The following CEP85 variants were observed in gnomAD, a reference collection of about 807,000 sequenced individuals.
CEP85 encodes the protein centrosomal protein 85.
CEP85 carries 58 observed loss-of-function variants against 93.7 expected under a neutral mutation model. The observed-to-expected ratio is 0.62, with a 90% CI of 0.50 to 0.77. The LOEUF (loss-of-function observed/expected upper bound fraction) is 0.77, where lower values mean the gene tolerates loss of function less well. Among genes scored for constraint, CEP85 ranks in the 30% least tolerant of loss-of-function variants. The pLI is 0.00. For missense variants in CEP85, 868 were observed against 922.0 expected (o/e 0.94, Z 0.76); for synonymous variants, 314 against 338.6 (o/e 0.93, Z 0.80).
chr1:26,263,263 C>A, intron 7 of CEP85: 1 of 337,978 alleles, frequency 3.0e-6, no homozygotes, highest in Non-Finnish European at 5.8e-6. Flanking sequence ...TAAGGAAGTG[C>A]TCATTTGCCC....
Position 26,255,778 on chromosome 1 carries a change from C to A in CEP85, c.816C>A (p.Asp272Glu). 2 of 1,614,214 alleles carry A rather than the reference C, an allele frequency of 1.2e-6. No individual in the cohort carries two copies. Among genetic ancestry groups the A allele is most frequent in the Non-Finnish European group, 8.5e-7 (1 of 1,180,030 alleles). ...CTCAGGTGTGGCAGCCGAGTCCTGA[C>A]ACTTGGCATCCCCGAGAGCAATCTT... ...LPSQVWQPSP[D>E]TWHPREQSCE... The change falls in exon 4 of 14, where the codon GAC (aspartate) becomes GAA (glutamate). Residue 272 changes from aspartate to glutamate, a missense_variant. Asp to Glu is a conservative substitution (Grantham distance 45). Coordinates refer to ENST00000451429, the MANE Select transcript of CEP85 (RefSeq NM_001319944.2).
At chr1:26,235,223 G>A (rs1465808407) in intron 1 of CEP85, among the ~76,000 whole-genome samples, 1 of 152,200 alleles carries the variant, frequency 6.6e-6, no homozygotes, top group Non-Finnish European at 1.5e-5. Context: ...AGTAAATTTC[G>A]GTTGATGAAT....
At chr1:26,240,894 T>C (rs2124558284) in intron 2 of CEP85, among the ~76,000 whole-genome samples, 1 of 148,868 alleles carries the variant, frequency 6.7e-6, no homozygotes, top group East Asian at 2.0e-4. Flanking sequence ...TGAGACTGTG[T>C]CTCAAAAAAA....
intron 3 of CEP85, among the ~76,000 whole-genome samples, chr1:26,245,645 T>TTAAC (rs1386720347): frequency 6.6e-5 from 10 of 152,196 alleles, no homozygotes; most frequent in Non-Finnish European, 1.3e-4. Flanking sequence ...TTGATAATAA[T>TTAAC]TAACTACTGT....
chr1:26,267,008 T>C (rs1001561942), intron 7 of CEP85, among the ~76,000 whole-genome samples: 2 of 152,224 alleles, frequency 1.3e-5, no homozygotes, highest in South Asian at 2.1e-4. Flanking sequence ...CAGAAAGTTA[T>C]GTATACTTCT....
At chr1:26,241,571 A>G (rs990325938) in intron 2 of CEP85, among the ~76,000 whole-genome samples, 2 of 151,920 alleles carry the variant, frequency 1.3e-5, no homozygotes, top group Non-Finnish European at 2.9e-5. Context: ...AACATCTGCT[A>G]TGTGCTGCAC....
chr1:26,249,061 C>G (rs2089560529), intron 3 of CEP85, among the ~76,000 whole-genome samples: 1 of 151,774 alleles, frequency 6.6e-6, no homozygotes, highest in African/African-American at 2.4e-5. Context: ...TTGTTACATA[C>G]CATGATCCTA....
At chr1:26,272,765 A>G (rs2089997101) in intron 11 of CEP85, among the ~76,000 whole-genome samples, 1 of 151,584 alleles carries the variant, frequency 6.6e-6, no homozygotes, top group Admixed American at 6.6e-5. Context: ...AGTAGCTGGT[A>G]TTACGGGTGC....
At chr1:26,235,078 C>T (rs966289948) in intron 1 of CEP85, among the ~76,000 whole-genome samples, 2 of 152,216 alleles carry the variant, frequency 1.3e-5, no homozygotes, top group African/African-American at 4.8e-5. Context: ...TTTGGTTGAA[C>T]TGAAAGTTAG....
At chr1:26,272,935 A>G (rs547613135) in intron 11 of CEP85, among the ~76,000 whole-genome samples, 2 of 152,110 alleles carry the variant, frequency 1.3e-5, no homozygotes, top group South Asian at 4.2e-4. Context: ...AGCCTATTAC[A>G]GCATGTAATT....
intron 3 of CEP85, among the ~76,000 whole-genome samples, chr1:26,244,617 C>G (rs2089481771): frequency 6.6e-6 from 1 of 152,106 alleles, no homozygotes; most frequent in Non-Finnish European, 1.5e-5. Context: ...GCCTCCCATG[C>G]TGAGGTAATC....
chr1:26,274,226 G>A (rs978537255), intron 11 of CEP85, among the ~76,000 whole-genome samples: 3 of 152,042 alleles, frequency 2.0e-5, no homozygotes, highest in Non-Finnish European at 4.4e-5. Flanking sequence ...AGGTACCTGT[G>A]AGTATGCTCT....
At position 26,258,140 on chromosome 1, in the gene CEP85, C is replaced by A; in HGVS notation, c.1038-3C>A. ...CCTGACCTGATTCTACCGGCTTGTG[C>A]AGGCAGAGGAAACACATCTCTCAGC... is the stretch of plus-strand genomic sequence containing the variant. On this transcript the variant is annotated splice_polypyrimidine_tract_variant and splice_region_variant and intron_variant, in intron 5 of 13. Transcript: ENST00000451429. 1 of 1,610,204 alleles carries A rather than the reference C, an allele frequency of 6.2e-7. No homozygotes were observed. Among genetic ancestry groups the A allele is most frequent in the Non-Finnish European group, 8.5e-7 (1 of 1,176,550 alleles).
At position 26,278,511 on chromosome 1, in the gene CEP85, C is replaced by G. The variant is rs904943594; in HGVS notation, c.*1218C>G. On this transcript the variant is annotated 3_prime_UTR_variant, in exon 14 of 14. Coordinates refer to ENST00000451429, the MANE Select transcript of CEP85 (RefSeq NM_001319944.2). ...GTTGGCAGCATCTTGGACCTCATGC[C>G]TGGGCCTGAATGAGGCTCTTTCTTA... 12 of 152,666 alleles carry G rather than the reference C, an allele frequency of 7.9e-5. No individual in the cohort carries two copies. Among genetic ancestry groups the G allele is most frequent in the Admixed American group, 2.0e-4 (3 of 15,284 alleles). The allele number at this position is 152,666 out of a possible 1,614,324, so 9.5% of individuals were successfully genotyped here.
At chr1:26,246,017 G>C (rs774245190) in intron 3 of CEP85, among the ~76,000 whole-genome samples, 1 of 152,016 alleles carries the variant, frequency 6.6e-6, no homozygotes, top group South Asian at 2.1e-4. Context: ...TGTTACACAG[G>C]TTGCGTGTGT....
At chr1:26,258,101 G>T (rs774016544) in intron 5 of CEP85, 42 bp from the exon 6 acceptor site, 1 of 1,383,978 alleles carries the variant, frequency 7.2e-7, no homozygotes, top group Non-Finnish European at 1.0e-6. Flanking sequence ...ATTGTGAGGG[G>T]TTAGCATCAG....
chr1:26,269,301 C>T (rs1388994959), intron 8 of CEP85, 159 bp from the exon 9 acceptor site: 3 of 647,304 alleles, frequency 4.6e-6, no homozygotes, highest in Non-Finnish European at 8.0e-6. Context: ...ACCATTGTTC[C>T]ATCTGCGAGG....
intron 6 of CEP85, among the ~76,000 whole-genome samples, 168 bp from the exon 7 acceptor site, chr1:26,259,449 T>G (rs2089772090): frequency 6.6e-6 from 1 of 152,218 alleles, no homozygotes; most frequent in Non-Finnish European, 1.5e-5. Flanking sequence ...ACAAATTACA[T>G]CATCAGGTAA....
chr1:26,254,280 T>A (rs1175588465), intron 3 of CEP85, among the ~76,000 whole-genome samples: 3 of 152,172 alleles, frequency 2.0e-5, no homozygotes, highest in African/African-American at 7.2e-5. Context: ...TCCCTTATTG[T>A]TTGCTTGCAG....
Sources: allele counts gnomAD v4.1 joint callset (sites outside exome capture counted in the v4.1 genomes callset), GRCh38; gene constraint gnomAD v4.1.1; transcripts MANE v1.5; gene names NCBI Gene and HGNC (gene_info 2026-07-23, HGNC 2026-07-21).